Variants in CLASP1 observed in about 807,000 individuals in gnomAD.
CLASP1 encodes the protein CLIP-associating protein 1.
A neutral mutation model predicts 192.3 loss-of-function variants in CLASP1; 38 were observed. The observed-to-expected ratio is 0.20, with a 90% CI of 0.15 to 0.26. CLASP1 has a LOEUF of 0.26. Ranked by LOEUF, CLASP1 falls within the 10% of genes least tolerant of loss-of-function variation. The probability of loss-of-function intolerance (pLI) is 1.00; values close to 1 mark genes in which losing one functional copy is unlikely to be tolerated. For missense variants in CLASP1, 1,433 were observed against 1,932.5 expected (o/e 0.74, Z 4.85); for synonymous variants, 691 against 712.8 (o/e 0.97, Z 0.49).
At chr2:121,478,715 CAA>C (rs2092034228) in intron 8 of CLASP1, among the ~76,000 whole-genome samples, 2 of 42,760 alleles carry the variant, frequency 4.7e-5, no homozygotes, top group South Asian at 8.2e-4. Flanking sequence ...CCCACACACA[CAA>C]CCACACACAC....
chr2:121,568,101 G>A (rs1386093864), intron 2 of CLASP1, among the ~76,000 whole-genome samples: 2 of 152,180 alleles, frequency 1.3e-5, no homozygotes, highest in African/African-American at 4.8e-5. Context: ...GTACAGAACA[G>A]AGGGAGGATT....
At chr2:121,424,094 C>T (rs2079987275) in intron 22 of CLASP1, among the ~76,000 whole-genome samples, 1 of 152,172 alleles carries the variant, frequency 6.6e-6, no homozygotes, top group Non-Finnish European at 1.5e-5. Flanking sequence ...TTCATGAAAA[C>T]AGAATCTACT....
At chr2:121,433,766 G>A (rs2081872308) in intron 19 of CLASP1, among the ~76,000 whole-genome samples, 1 of 152,048 alleles carries the variant, frequency 6.6e-6, no homozygotes, top group Non-Finnish European at 1.5e-5. Context: ...AAAAAGAAAA[G>A]AAGAAAAATT....
intron 2 of CLASP1, among the ~76,000 whole-genome samples, chr2:121,589,755 G>A (rs191042715): frequency 1.1e-3 from 167 of 151,992 alleles, no homozygotes; most frequent in African/African-American, 3.9e-3. Flanking sequence ...GGAAAAAAGA[G>A]TGGAATATTC....
chr2:121,478,516 G>A (rs1402134474), intron 8 of CLASP1, among the ~76,000 whole-genome samples: 2 of 151,686 alleles, frequency 1.3e-5, no homozygotes, highest in Admixed American at 6.6e-5. Context: ...CAGGAGGATC[G>A]CCTGAAGCCA....
At chr2:121,506,753 C>G (rs1458201366) in intron 7 of CLASP1, among the ~76,000 whole-genome samples, 1 of 152,160 alleles carries the variant, frequency 6.6e-6, no homozygotes, top group African/African-American at 2.4e-5. Flanking sequence ...AACACAGAGC[C>G]AGTCAGTAGA....
intron 1 of CLASP1, among the ~76,000 whole-genome samples, chr2:121,644,341 A>C (rs928629801): frequency 6.6e-6 from 1 of 151,636 alleles, no homozygotes; most frequent in African/African-American, 2.4e-5. Context: ...CTGCATTTAA[A>C]GGACATTAAA....
intron 35 of CLASP1, 150 bp downstream of exon 36, chr2:121,367,438 G>T: frequency 9.7e-7 from 1 of 1,034,634 alleles, no homozygotes; most frequent in African/African-American, 1.6e-5. Flanking sequence ...TAGGGATTCA[G>T]TTAAGTAGTG....
exon 12 of CLASP1, chr2:121,460,116 T>A (rs1254973415): frequency 6.2e-7 from 1 of 1,611,564 alleles, no homozygotes. Context: ...AAAGATCTAA[T>A]CTTTTTTAGC....
intron 30 of CLASP1, among the ~76,000 whole-genome samples, chr2:121,393,710 C>CA (rs982152219): frequency 4.6e-5 from 7 of 152,016 alleles, no homozygotes; most frequent in African/African-American, 1.7e-4. Context: ...AATCTACCTC[C>CA]AAAAAGGATT....
chr2:121,444,821 C>T (rs929471322), intron 19 of CLASP1: 5 of 537,386 alleles, frequency 9.3e-6, no homozygotes, highest in Admixed American at 5.5e-5. Flanking sequence ...GGAGAAACAG[C>T]GTGCAACATC....
rs562488108 is a variant in CLASP1 at position 121,435,696 on chromosome 2, T to C, written c.1913-5519A>G. ...GCTTTACTATCTTTAAATAATATTATGAAAAACGCAGCCATTAAATCACAC... is the reference window on the plus strand; with the variant it reads ...GCTTTACTATCTTTAAATAATATTACGAAAAACGCAGCCATTAAATCACAC... On this transcript the variant is annotated intron_variant, in intron 19 of 39. Transcript: ENST00000263710. Among the ~76,000 whole-genome samples the C allele has an allele frequency of 1.1e-3, 166 of 152,370 alleles. 2 individuals are homozygous for C. Among genetic ancestry groups the C allele is most frequent in the African/African-American group, 3.8e-3 (160 of 41,588 alleles).
exon 40 of CLASP1, chr2:121,340,744 A>G: frequency 1.4e-6 from 1 of 712,672 alleles, no homozygotes; most frequent in Non-Finnish European, 2.4e-6. Context: ...TACTGATTGT[A>G]ATAAATATTT....
intron 8 of CLASP1, among the ~76,000 whole-genome samples, chr2:121,473,450 A>G (rs2091107856): frequency 6.6e-6 from 1 of 152,184 alleles, no homozygotes; most frequent in Non-Finnish European, 1.5e-5. Context: ...GGCTGAAAAA[A>G]TAAATAAACG....
intron 14 of CLASP1, among the ~76,000 whole-genome samples, chr2:121,452,887 A>G (rs906779950): frequency 1.9e-4 from 29 of 152,368 alleles, no homozygotes; most frequent in African/African-American, 5.0e-4. Context: ...CTAGGAACCC[A>G]TTCAAGAACG....
intron 14 of CLASP1, among the ~76,000 whole-genome samples, chr2:121,456,537 G>GA (rs1174622239): frequency 2.1e-5 from 3 of 145,906 alleles, no homozygotes; most frequent in Admixed American, 6.9e-5. Flanking sequence ...GAAAGAAAAG[G>GA]AAAAAAAGGA....
At chr2:121,459,093 G>A in intron 12 of CLASP1, 118 bp from the exon 13 acceptor site, 1 of 645,082 alleles carries the variant, frequency 1.6e-6, no homozygotes, top group Non-Finnish European at 2.4e-6. Context: ...AAGGGTCTGA[G>A]ATTTCCGATG....
At chr2:121,506,166 A>G (rs2093942853) in intron 7 of CLASP1, among the ~76,000 whole-genome samples, 1 of 152,210 alleles carries the variant, frequency 6.6e-6, no homozygotes, top group African/African-American at 2.4e-5. Context: ...CAAAGAAAAC[A>G]TTGGCAAAAA....
chr2:121,646,529 T>C (rs77947696), intron 1 of CLASP1, among the ~76,000 whole-genome samples: 2 of 152,378 alleles, frequency 1.3e-5, no homozygotes, highest in East Asian at 3.9e-4. Context: ...ACAGTTTCAG[T>C]AACTCAGTTG....
Sources: gnomAD v4.1 joint callset for allele counts (sites outside exome capture counted in the v4.1 genomes callset) on GRCh38, gnomAD v4.1.1 for gene constraint, MANE v1.5 for transcripts, NCBI Gene and HGNC (gene_info 2026-07-23, HGNC 2026-07-21) for gene names.